THADA: variants seen among roughly 807,000 people sequenced by gnomAD.
THADA encodes tRNA (32-2'-O)-methyltransferase regulator THADA.
A neutral mutation model predicts 219.8 loss-of-function variants in THADA; 213 were observed. The ratio of observed to expected loss-of-function variants is 0.97; its 90% CI spans 0.87 to 1.09. The LOEUF is 1.09. Among genes scored for constraint, THADA ranks in the 50% least tolerant of loss-of-function variants. The pLI is 0.00. For missense variants in THADA, 2,956 were observed against 2,311.3 expected, an observed-to-expected ratio of 1.28 and a Z score of -5.72; for synonymous variants, 1,018 against 828.9, an observed-to-expected ratio of 1.23 and a Z score of -3.92.
intron 28 of THADA, among the ~76,000 whole-genome samples, chr2:43,400,862 G>A (rs1674747002): frequency 6.6e-6 from 1 of 152,040 alleles, no homozygotes; most frequent in South Asian, 2.1e-4. Context: ...AAGACCATGT[G>A]GTGAATTCTG....
intron 22 of THADA, among the ~76,000 whole-genome samples, chr2:43,513,652 T>G (rs943488713): frequency 2.6e-5 from 4 of 152,094 alleles, no homozygotes; most frequent in Non-Finnish European, 5.9e-5. Flanking sequence ...TACCACTACC[T>G]AATCTAGTTC....
intron 31 of THADA, among the ~76,000 whole-genome samples, chr2:43,312,602 T>C (rs976525458): frequency 6.6e-6 from 1 of 152,166 alleles, no homozygotes; most frequent in Non-Finnish European, 1.5e-5. Context: ...AGGAAACATC[T>C]GTTATTTTAG....
intron 21 of THADA, 110 bp downstream of exon 21, chr2:43,541,049 A>G: frequency 2.7e-6 from 3 of 1,098,798 alleles, no homozygotes; most frequent in Non-Finnish European, 3.7e-6. Flanking sequence ...CATTTGTATG[A>G]TTTTATTCAA....
At chr2:43,282,659 C>A (rs1673497741) in intron 35 of THADA, among the ~76,000 whole-genome samples, 2 of 152,148 alleles carry the variant, frequency 1.3e-5, no homozygotes, top group Admixed American at 6.5e-5. Context: ...GGGGTTGAAG[C>A]ACAGCTGTAG....
intron 26 of THADA, among the ~76,000 whole-genome samples, chr2:43,449,227 A>G (rs1681992912): frequency 6.6e-6 from 1 of 152,188 alleles, no homozygotes; most frequent in African/African-American, 2.4e-5. Context: ...GAGTAGGTAA[A>G]GGAAATAATC....
intron 26 of THADA, among the ~76,000 whole-genome samples, chr2:43,484,088 C>T (rs1686587890): frequency 2.6e-5 from 4 of 151,684 alleles, no homozygotes; most frequent in Admixed American, 1.3e-4. Context: ...TTAAAAAATA[C>T]TCAGTTAAAA....
intron 36 of THADA, among the ~76,000 whole-genome samples, chr2:43,251,997 C>G (rs1041415101): frequency 1.3e-5 from 2 of 152,190 alleles, no homozygotes; most frequent in Non-Finnish European, 2.9e-5. Context: ...CCCTGAGTCT[C>G]TGACTTGGAC....
intron 25 of THADA, 46 bp from the exon 26 acceptor site, chr2:43,485,371 T>C (rs1686789370): frequency 7.3e-7 from 1 of 1,369,854 alleles, no homozygotes; most frequent in Admixed American, 1.7e-5. Flanking sequence ...ATTCTTGGCA[T>C]GAAACCAACG....
At chr2:43,265,841 T>C (rs996706076) in intron 36 of THADA, among the ~76,000 whole-genome samples, 2 of 151,546 alleles carry the variant, frequency 1.3e-5, no homozygotes, top group East Asian at 1.9e-4. Context: ...CTTAACAGAG[T>C]GGGTTCTTGG....
chr2:43,480,214 G>C (rs746079840), intron 26 of THADA, among the ~76,000 whole-genome samples: 1 of 152,196 alleles, frequency 6.6e-6, no homozygotes, highest in East Asian at 1.9e-4. Flanking sequence ...TGTGAAATGA[G>C]GATGATACTG....
Position 43,291,585 on chromosome 2 carries a change from C to A in THADA, c.5010+111G>T, listed in dbSNP as rs149060256. 2.1e-5 allele frequency: 12 copies of A among 578,022 alleles called. No individual in the cohort carries two copies. The African/African-American group carries it at 2.4e-4, about 11-fold the overall frequency. The allele number at this position is 578,022 out of a possible 1,614,324, so 35.8% of individuals were successfully genotyped here. A position where few individuals can be genotyped will look rare whatever the true frequency, so the allele number is the denominator to read the frequency against. ...ACAATATTTCTGTAGATGTTACATA[C>A]ACATATCACAGGGGTTCTGCCTGCT... On this transcript the variant is annotated intron_variant, in intron 34 of 37. Transcript: ENST00000405975.
intron 26 of THADA, among the ~76,000 whole-genome samples, chr2:43,440,799 G>T (rs887509920): frequency 6.6e-6 from 1 of 152,132 alleles, no homozygotes; most frequent in African/African-American, 2.4e-5. Flanking sequence ...CTATGATCTA[G>T]AAACTGCCTA....
intron 2 of THADA, 82 bp downstream of exon 2, chr2:43,592,235 A>T (rs1430750909): frequency 1.8e-6 from 2 of 1,093,974 alleles, no homozygotes; most frequent in East Asian, 5.1e-5. Flanking sequence ...TTTGAATATT[A>T]TATGCTAGGG....
At chr2:43,424,660 A>G (rs940342002) in intron 28 of THADA, among the ~76,000 whole-genome samples, 4 of 152,172 alleles carry the variant, frequency 2.6e-5, no homozygotes, top group African/African-American at 9.7e-5. Context: ...GCTTTTTAAA[A>G]ATCTGTTTAT....
At chr2:43,475,042 T>C (rs1249125101) in intron 26 of THADA, among the ~76,000 whole-genome samples, 3 of 152,208 alleles carry the variant, frequency 2.0e-5, no homozygotes, top group African/African-American at 7.2e-5. Context: ...TCAGGACAAC[T>C]GACCTAAGTT....
At chr2:43,403,526 A>C (rs938570116) in intron 28 of THADA, among the ~76,000 whole-genome samples, 1 of 152,176 alleles carries the variant, frequency 6.6e-6, no homozygotes, top group Admixed American at 6.5e-5. Context: ...TGCATGTCAC[A>C]GGAACCAGAG....
chr2:43,464,224 C>T (rs951615265), intron 26 of THADA, among the ~76,000 whole-genome samples: 12 of 151,936 alleles, frequency 7.9e-5, no homozygotes, highest in Non-Finnish European at 1.8e-4. Flanking sequence ...AGAGCAACTT[C>T]TATAATAGTA....
chr2:43,279,693 C>T (rs1673114765), intron 36 of THADA, 72 bp downstream of exon 36: 5 of 1,486,630 alleles, frequency 3.4e-6, no homozygotes, highest in South Asian at 2.8e-5. Flanking sequence ...TACTATCTGG[C>T]TCATTATAGA....
chr2:43,539,338 T>A (rs765387560), intron 21 of THADA, among the ~76,000 whole-genome samples: 1 of 152,252 alleles, frequency 6.6e-6, no homozygotes. Flanking sequence ...CTCTGTCATT[T>A]ATATTTTTAA....
Sources: allele counts gnomAD v4.1 joint callset (sites outside exome capture counted in the v4.1 genomes callset), GRCh38; gene constraint gnomAD v4.1.1; transcripts MANE v1.5; gene names NCBI Gene and HGNC (gene_info 2026-07-23, HGNC 2026-07-21).